C6orf118: variants seen among roughly 807,000 people sequenced by gnomAD.
C6orf118 encodes uncharacterized protein C6orf118.
Under a neutral mutation model 50.2 loss-of-function variants are expected in C6orf118, and 50 were observed. That is an observed-to-expected ratio of 1.00 (90% confidence interval 0.79 to 1.26). C6orf118 has a LOEUF of 1.26. Among genes scored for constraint, C6orf118 ranks in the 50% most tolerant of loss-of-function variants. The probability of loss-of-function intolerance (pLI) is 0.00; values close to 1 mark genes in which losing one functional copy is unlikely to be tolerated. For missense variants in C6orf118, 641 were observed against 578.7 expected (o/e 1.11, Z -1.10); for synonymous variants, 239 against 230.9 (o/e 1.03, Z -0.32).
At chr6:165,309,114 A>G (rs635149) in intron 1 of C6orf118, among the ~76,000 whole-genome samples, 77,009 of 152,078 alleles carry the variant, frequency 0.51, 19,756 homozygotes, top group Admixed American at 0.54. Context: ...AGGACTTCTG[A>G]CTTGATGAAT....
At chr6:165,284,878 C>T (rs1239038788) in intron 7 of C6orf118, among the ~76,000 whole-genome samples, 1 of 151,686 alleles carries the variant, frequency 6.6e-6, no homozygotes, top group Non-Finnish European at 1.5e-5. Context: ...AACACACAGA[C>T]CAATGACACT....
chr6:165,293,191 C>T, intron 6 of C6orf118: 1 of 504,454 alleles, frequency 2.0e-6, no homozygotes, highest in Non-Finnish European at 3.6e-6. Flanking sequence ...TTTTTCCTCA[C>T]ATGTAATAAT....
chr6:165,285,420 A>C (rs1779867682), intron 7 of C6orf118, among the ~76,000 whole-genome samples: 1 of 152,186 alleles, frequency 6.6e-6, no homozygotes, highest in Non-Finnish European at 1.5e-5. Context: ...AAAGATATTC[A>C]CGACTTGAAA....
Position 165,301,042 on chromosome 6 carries a change from C to T in C6orf118, c.753+527G>A, listed in dbSNP as rs1383113590. On this transcript the variant is annotated intron_variant, in intron 2 of 8. Coordinates refer to ENST00000230301, the MANE Select transcript of C6orf118 (RefSeq NM_144980.4). ...TCAGACCCCTCTGCTGACCTACGAA[C>T]ATCTGATTTACTGTTGCAGCCACAT... Among the ~76,000 whole-genome samples the T allele has an allele frequency of 1.1e-4, 17 of 152,276 alleles. No individual in the cohort carries two copies. The South Asian group carries it at 3.5e-3, about 32-fold the overall frequency.
chr6:165,289,911 G>T lies in C6orf118; in HGVS notation c.1277C>A (p.Thr426Asn), dbSNP rs1472717769. ...TLVHTGISDI[T>N]ENRIKSIEHE... ...CTCTATGCTTTTAATCCTATTCTCA[G>T]TGATATCTGAAATTCCAGTATGAAC... The change falls in exon 7 of 9, where the codon ACT (threonine) becomes AAT (asparagine). Residue 426 changes from threonine (T) to asparagine (N), a missense_variant. Physicochemically the swap from Thr to Asn is moderately conservative, Grantham distance 65. Transcript: ENST00000230301. The T allele has an allele frequency of 6.2e-7, 1 of 1,604,388 alleles. No individual in the cohort carries two copies. Among genetic ancestry groups the T allele is most frequent in the Admixed American group, 1.7e-5 (1 of 58,040 alleles).
At position 165,302,269 on chromosome 6, in the gene C6orf118, G is replaced by A. The variant is rs191807161; in HGVS notation, c.53C>T (p.Thr18Met). 7.9e-5 allele frequency: 128 copies of A among 1,613,610 alleles called. No homozygotes were observed. The Admixed American group carries it at 8.7e-4, about 11-fold the overall frequency. Residue 18 changes from threonine to methionine, a missense_variant, in exon 2 of 9, where the codon ACG (threonine) becomes ATG (methionine). Physicochemically the swap from Thr to Met is moderately conservative, Grantham distance 81. Transcript: ENST00000230301. ...ELYLKWKHCE[T>M]PGVKTLCNLK... is the part of the protein sequence containing the mutation. ...ATTACACAGGGTCTTCACGCCTGGC[G>A]TCTCGCAGTGCTTCCACTTCAGGTA...
In C6orf118 at chr6:165,279,827, G is replaced by T; in HGVS notation, c.*230C>A. 2.5e-6 allele frequency: 1 copy of T among 398,186 alleles called. No individual in the cohort carries two copies. Among genetic ancestry groups the T allele is most frequent in the Non-Finnish European group, 4.4e-6 (1 of 227,048 alleles). The allele number at this position is 398,186 out of a possible 1,614,324, so 24.7% of individuals were successfully genotyped here. A position where few individuals can be genotyped will look rare whatever the true frequency, so the allele number is the denominator to read the frequency against. ...ATTATTAAATGAAAGTAAAACATACGTTAAGAACTAGTATTGTTGTAAATA... is the reference window on the plus strand; with the variant it reads ...ATTATTAAATGAAAGTAAAACATACTTTAAGAACTAGTATTGTTGTAAATA... On this transcript the variant is annotated 3_prime_UTR_variant, in exon 9 of 9. Transcript: ENST00000230301.
Position 165,288,845 on chromosome 6 carries a change from A to G in C6orf118, c.1302+1041T>C, listed in dbSNP as rs575360634. Among the ~76,000 whole-genome samples, 109 of 152,276 alleles carry G rather than the reference A, an allele frequency of 7.2e-4. 1 individual carries two copies. Among genetic ancestry groups the G allele is most frequent in the African/African-American group, 2.4e-3 (101 of 41,558 alleles). On this transcript the variant is annotated intron_variant, in intron 7 of 8. Transcript: ENST00000230301. ...CTAATGCATGTTGGGTTTAATCCCT[A>G]GGTGATAGGATGATAGGTGCAGCAA...
At position 165,302,225 on chromosome 6, in the gene C6orf118, G is replaced by A; in HGVS notation, c.97C>T (p.Pro33Ser). Residue 33 changes from proline (P) to serine (S), a missense_variant, in exon 2 of 9, where the codon CCA becomes TCA. Coordinates refer to ENST00000230301, the MANE Select transcript of C6orf118 (RefSeq NM_144980.4). ...AGATTACACAGGGTCTTCACTCCTG[G>A]CGTCTCGCAGTGCTTCAGATTACAC... Reference protein sequence around the residue: ...TLCNLKHCETPGVKTLCNLKK... With the variant: ...TLCNLKHCETSGVKTLCNLKK... The A allele has an allele frequency of 6.2e-7, 1 of 1,613,890 alleles. No homozygotes were observed. Among genetic ancestry groups the A allele is most frequent in the Non-Finnish European group, 8.5e-7 (1 of 1,179,898 alleles).
At chr6:165,281,427 C>T (rs1582996762) in intron 8 of C6orf118, 1 of 1,112,556 alleles carries the variant, frequency 9.0e-7, no homozygotes, top group Non-Finnish European at 1.2e-6. Context: ...AATAACTGAT[C>T]TTGAGAACAG....
At chr6:165,280,157 T>C (rs369565195) in intron 8 of C6orf118, 47 bp from the exon 9 acceptor site, 18 of 1,331,708 alleles carry the variant, frequency 1.4e-5, no homozygotes, top group South Asian at 3.9e-5. Context: ...AAAAAATACA[T>C]TAAGCATGAA....
chr6:165,291,167 G>A (rs527718856), intron 6 of C6orf118, among the ~76,000 whole-genome samples: 1 of 152,250 alleles, frequency 6.6e-6, no homozygotes, highest in South Asian at 2.1e-4. Flanking sequence ...GGGACACGGA[G>A]CCAAACCATA....
rs779069369 is a variant in C6orf118, at chr6:165,298,111, A to T, written c.937-10T>A. 1 of 1,578,884 alleles carries T rather than the reference A, an allele frequency of 6.3e-7. No individual in the cohort carries two copies. Among genetic ancestry groups the T allele is most frequent in the African/African-American group, 1.4e-5 (1 of 73,678 alleles). The stretch of plus-strand genomic sequence containing the variant: ...GTTGAGCCAGAAGAGCCTAGGCAGG[A>T]CCAGGTACATGAGGTGAGACAAGCA... On this transcript the variant is annotated splice_polypyrimidine_tract_variant and intron_variant, in intron 4 of 8. Transcript: ENST00000230301.
chr6:165,300,260 G>A (rs1300492624), intron 3 of C6orf118, 104 bp downstream of exon 3: 5 of 1,351,190 alleles, frequency 3.7e-6, no homozygotes, highest in Non-Finnish European at 4.1e-6. Flanking sequence ...GTAGAAGGGG[G>A]CCTGTGATAC....
At chr6:165,287,547 A>G (rs866052429) in intron 7 of C6orf118, among the ~76,000 whole-genome samples, 4 of 152,232 alleles carry the variant, frequency 2.6e-5, no homozygotes, top group Admixed American at 2.0e-4. Context: ...ACAAGGCTAC[A>G]GTGACCTAAA....
chr6:165,290,133 T>A (rs1780058817), intron 6 of C6orf118, 66 bp from the exon 7 acceptor site: 2 of 935,926 alleles, frequency 2.1e-6, no homozygotes, highest in South Asian at 3.1e-5. Flanking sequence ...AATAGCATTA[T>A]GTATTATTAA....
intron 2 of C6orf118, among the ~76,000 whole-genome samples, chr6:165,301,076 A>G (rs1312147611): frequency 1.3e-5 from 2 of 152,058 alleles, no homozygotes; most frequent in Non-Finnish European, 2.9e-5. Flanking sequence ...ATGGCCTCCA[A>G]TGCGTCCGCT....
In C6orf118 at chr6:165,293,535, T is replaced by G. The variant is rs1010303330; in HGVS notation, c.1062-64A>C. The G allele has an allele frequency of 8.8e-6, 12 of 1,358,654 alleles. No individual in the cohort carries two copies. The East Asian group carries it at 2.8e-4, about 31-fold the overall frequency. The allele number at this position is 1,358,654 out of a possible 1,614,324, so 84.2% of individuals were successfully genotyped here. On this transcript the variant is annotated intron_variant, in intron 5 of 8. Coordinates refer to ENST00000230301, the MANE Select transcript of C6orf118 (RefSeq NM_144980.4). ...CCCATTATATCTTTTGTCTTTTGTC[T>G]GGGTTACACCACAAGTCTCTTACAG...
chr6:165,292,743 T>C (rs1445857379), intron 6 of C6orf118, among the ~76,000 whole-genome samples: 2 of 152,044 alleles, frequency 1.3e-5, no homozygotes, highest in African/African-American at 4.8e-5. Flanking sequence ...GACAAGGGGA[T>C]GCAAATCAGG....
Sources: allele counts gnomAD v4.1 joint callset (sites outside exome capture counted in the v4.1 genomes callset), GRCh38; gene constraint gnomAD v4.1.1; transcripts MANE v1.5; gene names NCBI Gene and HGNC (gene_info 2026-07-23, HGNC 2026-07-21).